Variants in C1QTNF3 observed in about 807,000 individuals in gnomAD.
C1QTNF3 encodes C1q and TNF related 3.
C1QTNF3 carries 26 observed loss-of-function variants against 32.6 expected under a neutral mutation model. The observed-to-expected ratio is 0.80, with a 90% CI of 0.58 to 1.11. C1QTNF3 has a LOEUF of 1.11. C1QTNF3 is among the 50% of genes least tolerant of loss of function. C1QTNF3 has a pLI of 0.00. For synonymous variants in C1QTNF3, 155 were observed against 146.0 expected (o/e 1.06, Z -0.44); for missense variants, 362 against 398.2 (o/e 0.91, Z 0.77).
the C1QTNF3 span, among the ~76,000 whole-genome samples, chr5:34,155,284 C>G: frequency 1.8e-3 from 276 of 152,178 alleles, 1 homozygote; most frequent in Middle Eastern, 0.017. Context: ...GTTATTTGAC[C>G]GAGGCAGTTT....
chr5:34,236,816 T>C, the C1QTNF3 span, among the ~76,000 whole-genome samples: 13 of 151,994 alleles, frequency 8.6e-5, no homozygotes, highest in African/African-American at 3.1e-4. Flanking sequence ...CCTCAGGTGA[T>C]CCGCCCACCT....
At chr5:34,217,371 C>A in the C1QTNF3 span, among the ~76,000 whole-genome samples, 1 of 151,984 alleles carries the variant, frequency 6.6e-6, no homozygotes, top group Admixed American at 6.6e-5. Context: ...ATATAGGAAG[C>A]CTGCATAATA....
chr5:34,026,469 A>G (rs1417192353), intron 4 of C1QTNF3, among the ~76,000 whole-genome samples: 9 of 143,138 alleles, frequency 6.3e-5, no homozygotes, highest in African/African-American at 1.6e-4. Flanking sequence ...AAAAAAAAAA[A>G]AAAAGAAAAG....
At chr5:34,128,447 T>G in the C1QTNF3 span, among the ~76,000 whole-genome samples, 8 of 152,178 alleles carry the variant, frequency 5.3e-5, no homozygotes, top group Non-Finnish European at 8.8e-5. Context: ...GAACCCAGAA[T>G]GATAAATTCA....
chr5:34,111,215 A>T, the C1QTNF3 span, among the ~76,000 whole-genome samples: 59 of 152,144 alleles, frequency 3.9e-4, no homozygotes, highest in Admixed American at 1.4e-3. Context: ...GACATTTTTT[A>T]TTAAATCTTT....
the C1QTNF3 span, among the ~76,000 whole-genome samples, chr5:34,136,814 C>A: frequency 6.6e-6 from 1 of 152,210 alleles, no homozygotes; most frequent in Admixed American, 6.5e-5. Context: ...GAATACTATG[C>A]AGCCATAAAA....
chr5:34,163,634 TGCTCTAGAAGG>T, the C1QTNF3 span, among the ~76,000 whole-genome samples: 2 of 151,990 alleles, frequency 1.3e-5, no homozygotes, highest in Admixed American at 1.3e-4. Context: ...TAAAAAGGAG[TGCTCTAGAAGG>T]GCAAAAAACC....
At chr5:34,185,906 TA>T in the C1QTNF3 span, among the ~76,000 whole-genome samples, 3 of 152,288 alleles carry the variant, frequency 2.0e-5, no homozygotes, top group African/African-American at 7.2e-5. Context: ...GGGCACTAGA[TA>T]GGGGAAAAAG....
the C1QTNF3 span, among the ~76,000 whole-genome samples, chr5:34,215,625 GACTTT>G: frequency 6.6e-6 from 1 of 152,060 alleles, no homozygotes; most frequent in African/African-American, 2.4e-5. Context: ...ATTTTATTGT[GACTTT>G]ACTTTTTGTG....
the C1QTNF3 span, among the ~76,000 whole-genome samples, chr5:34,067,319 C>T: frequency 6.6e-6 from 1 of 152,328 alleles, no homozygotes; most frequent in South Asian, 2.1e-4. Context: ...ATCTTTTAAG[C>T]AACACCCCAC....
At chr5:34,135,178 G>A in the C1QTNF3 span, among the ~76,000 whole-genome samples, 3 of 152,034 alleles carry the variant, frequency 2.0e-5, no homozygotes, top group African/African-American at 7.2e-5. Flanking sequence ...TGAGATAATC[G>A]TGGTTTTTGT....
chr5:34,224,405 T>C, the C1QTNF3 span, among the ~76,000 whole-genome samples: 18 of 152,118 alleles, frequency 1.2e-4, no homozygotes, highest in African/African-American at 4.3e-4. Flanking sequence ...CAAACTATAC[T>C]ACAAGGCTAC....
intron 3 of C1QTNF3, among the ~76,000 whole-genome samples, chr5:34,031,028 C>T (rs1341369540): frequency 6.6e-6 from 1 of 151,934 alleles, no homozygotes; most frequent in East Asian, 1.9e-4. Context: ...CAACAAATCC[C>T]CACGACACAA....
At chr5:34,223,318 T>C in the C1QTNF3 span, among the ~76,000 whole-genome samples, 3 of 151,234 alleles carry the variant, frequency 2.0e-5, no homozygotes, top group Non-Finnish European at 4.4e-5. Flanking sequence ...TGATTTCCAA[T>C]TTCATCCATG....
At chr5:34,063,202 C>T in the C1QTNF3 span, among the ~76,000 whole-genome samples, 2 of 152,062 alleles carry the variant, frequency 1.3e-5, no homozygotes, top group Admixed American at 1.3e-4. Flanking sequence ...TTTTTCTTAA[C>T]TACTTGTATA....
intron 1 of C1QTNF3, among the ~76,000 whole-genome samples, chr5:34,039,081 A>G (rs1381842739): frequency 1.3e-5 from 2 of 152,136 alleles, no homozygotes; most frequent in Non-Finnish European, 1.5e-5. Flanking sequence ...TAATTGGCAA[A>G]TGACCTCCTA....
the C1QTNF3 span, among the ~76,000 whole-genome samples, chr5:34,101,071 T>C: frequency 1.3e-5 from 2 of 151,726 alleles, no homozygotes; most frequent in African/African-American, 4.8e-5. Context: ...TCCCAGAAGT[T>C]TGACAATTCT....
the C1QTNF3 span, chr5:34,200,762 T>C: frequency 6.6e-6 from 1 of 152,126 alleles, no homozygotes; most frequent in African/African-American, 2.4e-5. Flanking sequence ...ATCTTTTAAT[T>C]CATCTGAAAG....
the C1QTNF3 span, among the ~76,000 whole-genome samples, chr5:34,132,435 G>GTATATATATATATATA: frequency 2.2e-3 from 303 of 137,540 alleles, 7 homozygotes; most frequent in African/African-American, 7.1e-3. Flanking sequence ...GTATGTGTAT[G>GTATATATATATATATA]TATATATATA....
Sources: gnomAD v4.1 joint callset for allele counts (sites outside exome capture counted in the v4.1 genomes callset) on GRCh38, gnomAD v4.1.1 for gene constraint, MANE v1.5 for transcripts, NCBI Gene and HGNC (gene_info 2026-07-23, HGNC 2026-07-21) for gene names.